OTULINL: variants seen among roughly 807,000 people sequenced by gnomAD.
The protein encoded by OTULINL is OTU deubiquitinase with linear linkage specificity like.
OTULINL carries 42 observed loss-of-function variants against 43.9 expected under a neutral mutation model. The observed-to-expected ratio is 0.96, with a 90% confidence interval of 0.75 to 1.24. The LOEUF (loss-of-function observed/expected upper bound fraction) is 1.24. OTULINL is among the 50% of genes most tolerant of loss of function. The probability of loss-of-function intolerance (pLI) is 0.00; values close to 1 mark genes in which losing one functional copy is unlikely to be tolerated. For missense variants in OTULINL, 411 were observed against 426.4 expected, an observed-to-expected ratio of 0.96 and a Z score of 0.32; for synonymous variants, 172 against 153.6, an observed-to-expected ratio of 1.12 and a Z score of -0.88.
intron 5 of OTULINL, among the ~76,000 whole-genome samples, chr5:14,603,347 G>A (rs1332455090): frequency 6.6e-6 from 1 of 152,238 alleles, no homozygotes; most frequent in African/African-American, 2.4e-5. Flanking sequence ...GTAGCTAGGA[G>A]TGAGACTGCC....
At chr5:14,595,331 C>T (rs2126775702) in intron 1 of OTULINL, among the ~76,000 whole-genome samples, 1 of 152,218 alleles carries the variant, frequency 6.6e-6, no homozygotes. Flanking sequence ...GCAGCTGGCC[C>T]ATGAGGAAGT....
At chr5:14,595,577 T>C (rs1759271612) in intron 1 of OTULINL, among the ~76,000 whole-genome samples, 1 of 148,498 alleles carries the variant, frequency 6.7e-6, no homozygotes, top group Non-Finnish European at 1.5e-5. Flanking sequence ...ACTTCAGCTT[T>C]GGTATATTGT....
intron 1 of OTULINL, among the ~76,000 whole-genome samples, chr5:14,590,191 A>G (rs1024819555): frequency 6.6e-6 from 1 of 152,172 alleles, no homozygotes; most frequent in Non-Finnish European, 1.5e-5. Flanking sequence ...CTGATGATGT[A>G]TTTGAGATAA....
rs551402492 is a variant in OTULINL, at chr5:14,604,674, A to G, written c.498+2342A>G. 6.6e-5 allele frequency among the ~76,000 whole-genome samples: 10 copies of G among 152,334 alleles called. No homozygotes were observed. The East Asian group carries it at 1.7e-3, about 26-fold the overall frequency. On this transcript the variant is annotated intron_variant, in intron 5 of 7. Coordinates refer to ENST00000274217, the MANE Select transcript of OTULINL (RefSeq NM_019018.3). The stretch of plus-strand genomic sequence containing the variant: ...TACTGGGTAAATACAGCCATTCCAA[A>G]TGGGAGAAATTGGCCTAAACAAAGG...
rs183261083 is a variant in OTULINL, at chr5:14,590,117, C to A, written c.64+8159C>A. On this transcript the variant is annotated intron_variant, in intron 1 of 7. Coordinates refer to ENST00000274217, the MANE Select transcript of OTULINL (RefSeq NM_019018.3). Reference sequence around the variant, plus strand: ...CTTACTTTTAGTTGGATTACTTGACCAGTAAGATTTTTCTTTATCTGGACT... The same window carrying A: ...CTTACTTTTAGTTGGATTACTTGACAAGTAAGATTTTTCTTTATCTGGACT... 6.0e-3 allele frequency among the ~76,000 whole-genome samples: 913 copies of A among 152,236 alleles called. 1 individual carries two copies. The highest frequency in any genetic ancestry group is 0.014 in the Middle Eastern group (4 of 294).
At chr5:14,582,220 C>T (rs532678241) in intron 1 of OTULINL, among the ~76,000 whole-genome samples, 41 of 152,092 alleles carry the variant, frequency 2.7e-4, no homozygotes, top group African/African-American at 9.9e-4. Context: ...GCTTAGGTCG[C>T]CTGCCCGGGC....
Position 14,611,783 on chromosome 5 carries a change from T to C in OTULINL, c.*1469T>C, listed in dbSNP as rs1291268130. Reference sequence around the variant, plus strand: ...ATAATTTTTAAAATCTTGCTAATTATATATTACTTCAAAGTCACAAATCCC... The same window carrying C: ...ATAATTTTTAAAATCTTGCTAATTACATATTACTTCAAAGTCACAAATCCC... On this transcript the variant is annotated 3_prime_UTR_variant, in exon 8 of 8. Coordinates refer to ENST00000274217, the MANE Select transcript of OTULINL (RefSeq NM_019018.3). The C allele has an allele frequency of 6.6e-6, 1 of 152,204 alleles. No homozygotes were observed. Among genetic ancestry groups the C allele is most frequent in the East Asian group, 1.9e-4 (1 of 5,196 alleles). 9.4% of individuals were successfully genotyped at this position (152,204 alleles called of 1,614,324 possible). A position where few individuals can be genotyped will look rare whatever the true frequency, so the allele number is the denominator to read the frequency against.
At chr5:14,584,190 C>A (rs557890836) in intron 1 of OTULINL, among the ~76,000 whole-genome samples, 1 of 152,302 alleles carries the variant, frequency 6.6e-6, no homozygotes, top group African/African-American at 2.4e-5. Flanking sequence ...CCACACTCTT[C>A]CTTGCTCTTC....
Position 14,607,441 on chromosome 5 carries a change from G to A in OTULINL, c.610G>A (p.Glu204Lys). 1 of 1,613,940 alleles carries A rather than the reference G, an allele frequency of 6.2e-7. No homozygotes were observed. Residue 204 changes from glutamate (E) to lysine (K), a missense_variant, in exon 6 of 8, where the codon GAA becomes AAA. Transcript: ENST00000274217. ...GTTTGGAAAACTACGGAAATATGTG[G>A]AATTATTGAAAACACAGGTAAGTGT... ...NVFGKLRKYV[E>K]LLKTQWTEFN...
At chr5:14,599,444 C>T (rs1454891443) in intron 1 of OTULINL, among the ~76,000 whole-genome samples, 1 of 151,452 alleles carries the variant, frequency 6.6e-6, no homozygotes, top group Non-Finnish European at 1.5e-5. Flanking sequence ...GCCAAGATCA[C>T]ACCATTGCTA....
intron 7 of OTULINL, 67 bp from the exon 8 acceptor site, chr5:14,610,074 C>CG (rs1331254364): frequency 2.9e-6 from 4 of 1,401,994 alleles, no homozygotes; most frequent in Non-Finnish European, 4.0e-6. Context: ...AACACTTCCC[C>CG]CCACCGTGGC....
chr5:14,600,981 C>T lies in OTULINL; in HGVS notation c.81C>T (p.His27=). The T allele has an allele frequency of 6.8e-7, 1 of 1,472,406 alleles. No individual in the cohort carries two copies. The highest frequency in any genetic ancestry group is 2.6e-5 in the East Asian group (1 of 38,912). The allele number at this position is 1,472,406 out of a possible 1,614,324, so 91.2% of individuals were successfully genotyped here. ...TTTTCATAGGAAGTGACCAAGTTCACTCCTGGATGCTAGCTACAAGCCAAG... is the reference window on the plus strand; with the variant it reads ...TTTTCATAGGAAGTGACCAAGTTCATTCCTGGATGCTAGCTACAAGCCAAG... ...GAPAAGSDQV[H]SWMLATSQAL... Residue 27 remains histidine, a synonymous_variant, in exon 2 of 8, where the codon CAC becomes CAT. Coordinates refer to ENST00000274217, the MANE Select transcript of OTULINL (RefSeq NM_019018.3).
At chr5:14,609,652 A>G (rs1486270845) in intron 7 of OTULINL, among the ~76,000 whole-genome samples, 1 of 115,820 alleles carries the variant, frequency 8.6e-6, no homozygotes, top group African/African-American at 3.6e-5. Context: ...TTTTTTTGAG[A>G]CGGAGTCTCG....
intron 1 of OTULINL, among the ~76,000 whole-genome samples, chr5:14,592,007 C>G (rs534568538): frequency 6.6e-6 from 1 of 152,316 alleles, no homozygotes; most frequent in African/African-American, 2.4e-5. Context: ...TGTGTATTGT[C>G]TGTGGCTGCT....
intron 1 of OTULINL, among the ~76,000 whole-genome samples, chr5:14,586,722 T>C (rs1454578942): frequency 6.6e-6 from 1 of 152,182 alleles, no homozygotes; most frequent in Non-Finnish European, 1.5e-5. Context: ...ATACCTCAGC[T>C]CTTTCTCCTC....
intron 1 of OTULINL, among the ~76,000 whole-genome samples, chr5:14,590,442 T>C (rs1334487339): frequency 1.3e-5 from 2 of 152,224 alleles, no homozygotes; most frequent in Non-Finnish European, 2.9e-5. Context: ...TGCTGTCCTG[T>C]GGACTTTGAG....
chr5:14,605,639 G>T (rs1316041725), intron 5 of OTULINL, among the ~76,000 whole-genome samples: 2 of 152,156 alleles, frequency 1.3e-5, no homozygotes, highest in African/African-American at 2.4e-5. Context: ...CAGCATCCAA[G>T]TCACTTCTGA....
chr5:14,601,587 G>A (rs1016710225), intron 4 of OTULINL, 145 bp downstream of exon 4: 6 of 756,298 alleles, frequency 7.9e-6, no homozygotes, highest in Non-Finnish European at 1.3e-5. Flanking sequence ...TAACTCAAAA[G>A]CCAAATGGCT....
At chr5:14,598,832 G>A (rs1419978039) in intron 1 of OTULINL, among the ~76,000 whole-genome samples, 2 of 152,192 alleles carry the variant, frequency 1.3e-5, no homozygotes, top group Admixed American at 6.5e-5. Flanking sequence ...CTTTTATAAT[G>A]AGGAAAAAAC....
Sources: allele counts gnomAD v4.1 joint callset (sites outside exome capture counted in the v4.1 genomes callset), GRCh38; gene constraint gnomAD v4.1.1; transcripts MANE v1.5; gene names NCBI Gene and HGNC (gene_info 2026-07-23, HGNC 2026-07-21).